Variants in DOCK10 observed in about 807,000 individuals in gnomAD.
The protein encoded by DOCK10 is dedicator of cytokinesis 10.
A neutral mutation model predicts 280.1 loss-of-function variants in DOCK10; 145 were observed. The observed-to-expected ratio is 0.52, with a 90% CI of 0.45 to 0.59. The LOEUF (loss-of-function observed/expected upper bound fraction) is 0.59, where lower values mean the gene tolerates loss of function less well. Ranked by LOEUF, DOCK10 falls within the 20% of genes least tolerant of loss-of-function variation. The pLI is 0.00. For missense variants in DOCK10, 2,368 were observed against 2,651.7 expected, an observed-to-expected ratio of 0.89 and a Z score of 2.35; for synonymous variants, 915 against 942.2, an observed-to-expected ratio of 0.97 and a Z score of 0.53.
intron 28 of DOCK10, 73 bp downstream of exon 28, chr2:224,823,428 G>T: frequency 7.6e-7 from 1 of 1,324,470 alleles, no homozygotes; most frequent in Non-Finnish European, 1.0e-6. Flanking sequence ...GATGTGAACT[G>T]ATGAAAGTTT....
rs527619449 is a variant in DOCK10, at chr2:224,859,770, G to A, written c.1686-2788C>T. Among the ~76,000 whole-genome samples the A allele has an allele frequency of 4.3e-4, 66 of 152,202 alleles. 1 individual carries two copies. Among genetic ancestry groups the A allele is most frequent in the Non-Finnish European group, 6.5e-4 (44 of 68,026 alleles). ...GAAAGCGTAACAGGAAGGAGCAGTA[G>A]CCTCAGAATCAGGGTATCAATTAGG... On this transcript the variant is annotated intron_variant, in intron 14 of 55. Coordinates refer to ENST00000258390, the MANE Select transcript of DOCK10 (RefSeq NM_014689.3).
At chr2:224,787,461 T>C (rs1201266274) in intron 48 of DOCK10, 64 bp from the exon 49 acceptor site, 8 of 1,594,732 alleles carry the variant, frequency 5.0e-6, no homozygotes, top group African/African-American at 1.3e-5. Flanking sequence ...GCCTGAAACT[T>C]GGTTTCCAAG....
intron 1 of DOCK10, among the ~76,000 whole-genome samples, chr2:224,961,472 C>CTTTCTTTCTTTCTTTCTTTCTT (rs1559874257): frequency 4.9e-5 from 5 of 102,936 alleles, no homozygotes; most frequent in African/African-American, 1.5e-4. Context: ...CTTTCTTTTT[C>CTTTCTTTCTTTCTTTCTTTCTT]TTTCTTTCTT....
intron 1 of DOCK10, among the ~76,000 whole-genome samples, chr2:225,025,788 T>C (rs1180841199): frequency 1.3e-5 from 2 of 152,180 alleles, no homozygotes; most frequent in Non-Finnish European, 2.9e-5. Flanking sequence ...TGCAATGCAT[T>C]ACCCTTTCAA....
At chr2:224,949,761 T>C (rs776004617) in intron 1 of DOCK10, among the ~76,000 whole-genome samples, 2 of 152,224 alleles carry the variant, frequency 1.3e-5, no homozygotes, top group Non-Finnish European at 2.9e-5. Flanking sequence ...AGTTTTCTCA[T>C]CTGTAAAATA....
intron 26 of DOCK10, among the ~76,000 whole-genome samples, chr2:224,830,915 C>G (rs1423106062): frequency 3.9e-5 from 4 of 103,616 alleles, no homozygotes; most frequent in Non-Finnish European, 6.1e-5. Context: ...CAAAACTAAA[C>G]AAACTTTTAT....
At chr2:224,912,199 G>C (rs190790252) in intron 3 of DOCK10, among the ~76,000 whole-genome samples, 1 of 150,762 alleles carries the variant, frequency 6.6e-6, no homozygotes, top group Non-Finnish European at 1.5e-5. Flanking sequence ...GGAATGACGC[G>C]ATCTCAGATC....
chr2:224,946,829 T>G, intron 1 of DOCK10: 7 of 1,503,704 alleles, frequency 4.7e-6, no homozygotes, highest in Non-Finnish European at 6.2e-6. Context: ...AGCAAAACAT[T>G]GACATTTGGA....
rs188293062 is a variant in DOCK10 at position 224,813,316 on chromosome 2, C to G, written c.3409+1004G>C. On this transcript the variant is annotated intron_variant, in intron 31 of 55. Transcript: ENST00000258390. ...GTTCAAGCGATTATTGTGCCTCAGC[C>G]TTCTGAGAAGCTGAGGTTACAGACA... Among the ~76,000 whole-genome samples the G allele has an allele frequency of 7.7e-4, 117 of 152,268 alleles. 1 individual carries two copies. Among genetic ancestry groups the G allele is most frequent in the South Asian group, 1.5e-3 (7 of 4,822 alleles).
At chr2:224,823,367 A>G in intron 28 of DOCK10, 134 bp downstream of exon 28, 1 of 696,164 alleles carries the variant, frequency 1.4e-6, no homozygotes, top group East Asian at 3.4e-5. Flanking sequence ...AGATGTATAA[A>G]TGAAAGTTTT....
At chr2:224,982,356 C>T in intron 1 of DOCK10, 1 of 1,231,896 alleles carries the variant, frequency 8.1e-7, no homozygotes, top group Admixed American at 4.2e-5. Flanking sequence ...ACAATGCTGG[C>T]AGTGCAGCCC....
At position 224,765,734 on chromosome 2, in the gene DOCK10, C is replaced by T. The variant is rs746936433; in HGVS notation, c.6548G>A (p.Ser2183Asn). ...GCTGCAGAGCCCTCAGACTTCAGCACTAGATGAGATGGAGACCGTGGGTAG... is the reference window on the plus strand; with the variant it reads ...GCTGCAGAGCCCTCAGACTTCAGCATTAGATGAGATGGAGACCGTGGGTAG... ...PALPTVSISS[S>N]AEV The change falls in exon 56 of 56, where the codon AGT becomes AAT. Residue 2183 changes from serine (S) to asparagine (N), a missense_variant. By Grantham distance (46) the Ser-to-Asn change is conservative. Around this residue, in one of 2 missense-constraint regions of DOCK10, gnomAD observed 1,159 missense variants for 1,400.8 expected, o/e 0.83. Transcript: ENST00000258390. 2 of 1,613,402 alleles carry T rather than the reference C, an allele frequency of 1.2e-6. No homozygotes were observed. The highest frequency in any genetic ancestry group is 1.1e-5 in the South Asian group (1 of 91,022).
chr2:224,863,541 C>T (rs1240634064), intron 13 of DOCK10, among the ~76,000 whole-genome samples: 4 of 152,144 alleles, frequency 2.6e-5, no homozygotes, highest in African/African-American at 9.7e-5. Flanking sequence ...CAAGCTCCGC[C>T]TCCCGGGTTC....
intron 44 of DOCK10, among the ~76,000 whole-genome samples, chr2:224,795,950 T>C (rs1219771784): frequency 6.6e-6 from 1 of 152,196 alleles, no homozygotes; most frequent in Admixed American, 6.5e-5. Flanking sequence ...GATCACATGC[T>C]TAAAGTGTAA....
intron 1 of DOCK10, among the ~76,000 whole-genome samples, chr2:224,995,155 C>A (rs762575839): frequency 6.6e-6 from 1 of 152,166 alleles, no homozygotes; most frequent in Admixed American, 6.5e-5. Flanking sequence ...AAATCCAAGA[C>A]GATAAGGAGG....
intron 28 of DOCK10, among the ~76,000 whole-genome samples, chr2:224,819,789 AAAC>A (rs1484579429): frequency 4.6e-4 from 70 of 152,308 alleles, no homozygotes; most frequent in African/African-American, 1.5e-3. Context: ...ATTCAGAAGA[AAAC>A]AAGAAAAATT....
chr2:224,792,756 A>T (rs1323139354), intron 47 of DOCK10, among the ~76,000 whole-genome samples: 5 of 152,360 alleles, frequency 3.3e-5, no homozygotes, highest in African/African-American at 1.2e-4. Context: ...GAGAACATAC[A>T]GTTCTATTTG....
chr2:224,842,960 G>A (rs1347570466), intron 22 of DOCK10, among the ~76,000 whole-genome samples: 1 of 152,202 alleles, frequency 6.6e-6, no homozygotes, highest in Non-Finnish European at 1.5e-5. Context: ...CTTCTTAGAG[G>A]AAGTGACAAC....
chr2:224,947,221 C>T (rs977466765), intron 1 of DOCK10, among the ~76,000 whole-genome samples: 1 of 152,276 alleles, frequency 6.6e-6, no homozygotes, highest in African/African-American at 2.4e-5. Context: ...TGACTTTGGA[C>T]GTTTAAGAGA....
Sources: allele counts gnomAD v4.1 joint callset (sites outside exome capture counted in the v4.1 genomes callset), GRCh38; gene constraint gnomAD v4.1.1; regional missense constraint gnomAD v4.1.1; transcripts MANE v1.5; gene names NCBI Gene and HGNC (gene_info 2026-07-23, HGNC 2026-07-21).